C12orf42: variants seen among roughly 807,000 people sequenced by gnomAD.
C12orf42 encodes uncharacterized protein C12orf42.
A neutral mutation model predicts 21.6 loss-of-function variants in C12orf42; 25 were observed. That is an observed-to-expected ratio of 1.16 (90% CI 0.84 to 1.62). C12orf42 has a LOEUF of 1.62. Ranked by LOEUF, C12orf42 falls within the 40% of genes most tolerant of loss-of-function variation. The probability of loss-of-function intolerance (pLI) is 0.00; values close to 1 mark genes in which losing one functional copy is unlikely to be tolerated. For synonymous variants in C12orf42, 174 were observed against 175.0 expected, an observed-to-expected ratio of 0.99 and a Z score of 0.05; for missense variants, 483 against 459.3, an observed-to-expected ratio of 1.05 and a Z score of -0.47.
chr12:103,427,298 A>C (rs1445809608), intron 2 of C12orf42, among the ~76,000 whole-genome samples: 1 of 149,418 alleles, frequency 6.7e-6, no homozygotes, highest in African/African-American at 2.5e-5. Context: ...AAAAAAAGAA[A>C]AAAAAAAAAA....
intron 5 of C12orf42, among the ~76,000 whole-genome samples, chr12:103,304,955 C>T (rs73385683): frequency 0.043 from 6,474 of 152,236 alleles, 318 homozygotes; most frequent in African/African-American, 0.12. Flanking sequence ...ACTGTACAAA[C>T]ATGTGGAGGG....
the C12orf42 span, among the ~76,000 whole-genome samples, chr12:103,166,339 TA>T: frequency 5.3e-5 from 8 of 152,156 alleles, no homozygotes; most frequent in Admixed American, 3.9e-4. Context: ...GATAAATGCT[TA>T]AAAAAAGTTA....
chr12:103,438,425 A>G (rs1361659341), intron 2 of C12orf42, among the ~76,000 whole-genome samples: 3 of 152,066 alleles, frequency 2.0e-5, no homozygotes, highest in Non-Finnish European at 4.4e-5. Context: ...GGCAGGAGAA[A>G]GAAATAAAGG....
chr12:103,049,999 G>A, the C12orf42 span, among the ~76,000 whole-genome samples: 1 of 152,160 alleles, frequency 6.6e-6, no homozygotes, highest in South Asian at 2.1e-4. Context: ...TTGGTTGGTT[G>A]TTATCTGTTG....
chr12:103,109,452 C>A, the C12orf42 span, among the ~76,000 whole-genome samples: 2 of 151,828 alleles, frequency 1.3e-5, no homozygotes, highest in African/African-American at 4.8e-5. Context: ...CGGTGGTGTA[C>A]GGGAGAAACA....
chr12:103,329,329 A>G (rs923497406), intron 4 of C12orf42, among the ~76,000 whole-genome samples: 14 of 152,160 alleles, frequency 9.2e-5, no homozygotes, highest in Non-Finnish European at 1.5e-4. Context: ...AGAAAGTCCA[A>G]TGAGAACACA....
the C12orf42 span, among the ~76,000 whole-genome samples, chr12:103,068,417 T>C: frequency 3.3e-5 from 5 of 152,124 alleles, no homozygotes; most frequent in African/African-American, 1.2e-4. Context: ...ATTATTGTCT[T>C]TACTTGAAGA....
At chr12:103,504,789 G>T in the C12orf42 span, 1 of 154,010 alleles carries the variant, frequency 6.5e-6, no homozygotes, top group South Asian at 1.9e-4. Context: ...ACATGCTGGG[G>T]GGTACTGGGG....
At chr12:103,353,609 T>A (rs894978461) in intron 4 of C12orf42, among the ~76,000 whole-genome samples, 1 of 152,142 alleles carries the variant, frequency 6.6e-6, no homozygotes, top group Non-Finnish European at 1.5e-5. Flanking sequence ...AGACACTTCC[T>A]GAATTTCCCA....
At chr12:103,151,207 G>A in the C12orf42 span, among the ~76,000 whole-genome samples, 3 of 152,136 alleles carry the variant, frequency 2.0e-5, no homozygotes, top group African/African-American at 2.4e-5. Context: ...CATTACAGGC[G>A]TGAGCCACCA....
chr12:103,196,337 A>G, the C12orf42 span, among the ~76,000 whole-genome samples: 1 of 151,990 alleles, frequency 6.6e-6, no homozygotes, highest in South Asian at 2.1e-4. Flanking sequence ...ATTTGTTCAG[A>G]ATTGTTTTAT....
chr12:103,050,219 GGTGT>G, the C12orf42 span, among the ~76,000 whole-genome samples: 51,635 of 148,536 alleles, frequency 0.35, 8,954 homozygotes, highest in Admixed American at 0.4. Context: ...TTTTCTCACA[GGTGT>G]GTGTGTGTGT....
chr12:103,068,932 C>T, the C12orf42 span, among the ~76,000 whole-genome samples: 1 of 48,188 alleles, frequency 2.1e-5, no homozygotes, highest in Non-Finnish European at 4.1e-5. Context: ...TCTCTCTCTC[C>T]ACATATATAT....
chr12:103,048,011 G>A, the C12orf42 span, among the ~76,000 whole-genome samples: 3 of 149,824 alleles, frequency 2.0e-5, no homozygotes, highest in Non-Finnish European at 3.0e-5. Flanking sequence ...GAGCTATAAA[G>A]TCACATTACA....
chr12:103,521,721 C>G, the C12orf42 span, among the ~76,000 whole-genome samples: 7 of 152,184 alleles, frequency 4.6e-5, no homozygotes, highest in African/African-American at 1.7e-4. Flanking sequence ...AAACTACCCA[C>G]TAACCTCTAA....
the C12orf42 span, among the ~76,000 whole-genome samples, chr12:103,216,260 T>G: frequency 2.6e-5 from 4 of 152,230 alleles, no homozygotes; most frequent in African/African-American, 9.6e-5. Flanking sequence ...ATTCGCTTCT[T>G]TGCAGGTTTG....
chr12:103,270,564 A>T (rs1051871601), intron 5 of C12orf42, among the ~76,000 whole-genome samples: 3 of 75,300 alleles, frequency 4.0e-5, no homozygotes, highest in African/African-American at 1.5e-4. Context: ...ATTTTATTTT[A>T]TTTATTTATT....
In C12orf42 at chr12:103,420,277, T is replaced by G. The variant is rs545149443; in HGVS notation, c.79-18602A>C. ...TGCAGTACCCCTCTAACTGAACCCT[T>G]TGTGCTTACAAAAACAACAATAGAA... On this transcript the variant is annotated intron_variant, in intron 2 of 5. Transcript: ENST00000548883. Among the ~76,000 whole-genome samples the G allele has an allele frequency of 2.6e-5, 4 of 152,332 alleles. No individual in the cohort carries two copies. The East Asian group carries it at 7.7e-4, about 29-fold the overall frequency.
In C12orf42 at chr12:103,334,159, A is replaced by G. The variant is rs557410884; in HGVS notation, c.260-27814T>C. On this transcript the variant is annotated intron_variant, in intron 4 of 5. Transcript: ENST00000548883. ...TCCAAGTTGTGCCTGTACAATGTTC[A>G]TATTACTTCCAACTTTGCTGCATCA... is the stretch of plus-strand genomic sequence containing the variant. Among the ~76,000 whole-genome samples, 13 of 152,322 alleles carry G rather than the reference A, an allele frequency of 8.5e-5. No individual in the cohort carries two copies. The South Asian group carries it at 2.3e-3, about 27-fold the overall frequency.
Sources: allele counts gnomAD v4.1 joint callset (sites outside exome capture counted in the v4.1 genomes callset), GRCh38; gene constraint gnomAD v4.1.1; transcripts MANE v1.5; gene names NCBI Gene and HGNC (gene_info 2026-07-23, HGNC 2026-07-21).